Variants in SLK observed in about 807,000 individuals in gnomAD.
SLK encodes the protein STE20 like kinase.
A neutral mutation model predicts 147.7 loss-of-function variants in SLK; 67 were observed. The observed-to-expected ratio is 0.45, with a 90% CI of 0.37 to 0.56. SLK has a LOEUF of 0.56. Ranked by LOEUF, SLK falls within the 20% of genes least tolerant of loss-of-function variation. The pLI, the probability that SLK is intolerant of heterozygous loss-of-function variation, is 0.00. For missense variants in SLK, 1,136 were observed against 1,438.8 expected (o/e 0.79, Z 3.41); for synonymous variants, 441 against 475.0 (o/e 0.93, Z 0.93).
At chr10:103,978,312 A>T (rs1050469387) in intron 1 of SLK, among the ~76,000 whole-genome samples, 1 of 152,132 alleles carries the variant, frequency 6.6e-6, no homozygotes, top group Non-Finnish European at 1.5e-5. Context: ...GTAAATCTGT[A>T]TTTAAATTCA....
intron 1 of SLK, among the ~76,000 whole-genome samples, chr10:103,977,038 T>C (rs1441731872): frequency 6.6e-6 from 1 of 152,214 alleles, no homozygotes; most frequent in Non-Finnish European, 1.5e-5. Context: ...AAATGTCTCC[T>C]GGATGGCAAA....
intron 18 of SLK, 31 bp downstream of exon 18, chr10:104,021,764 T>C (rs200378854): frequency 3.7e-4 from 440 of 1,199,700 alleles, no homozygotes; most frequent in Middle Eastern, 1.3e-3. Context: ...TAAAATGATA[T>C]GTGTGTACTC....
Position 103,992,141 on chromosome 10 carries a change from G to GTTTTTTTTTTTTTTTTTTTTTTTTTTT in SLK, c.316-439_316-438insTTTTTTTTTTTTTTTTTTTTTTTTTTT, listed in dbSNP as rs56381345. Among the ~76,000 whole-genome samples the GTTTTTTTTTTTTTTTTTTTTTTTTTTT allele has an allele frequency of 7.6e-5, 7 of 91,792 alleles. 1 individual carries two copies. Among genetic ancestry groups the GTTTTTTTTTTTTTTTTTTTTTTTTTTT allele is most frequent in the Non-Finnish European group, 1.3e-4 (6 of 47,900 alleles). 60.2% of individuals were successfully genotyped at this position (91,792 alleles called of 152,430 possible). A position where few individuals can be genotyped will look rare whatever the true frequency, so the allele number is the denominator to read the frequency against. ...TGAAGCTTTTGTGGGTATTTCTTCT[G>GTTTTTTTTTTTTTTTTTTTTTTTTTTT]TTTTTTTTTTTTTTTTTTCTAAAAG... On this transcript the variant is annotated intron_variant, in intron 2 of 18. Transcript: ENST00000369755.
In SLK at chr10:104,026,166, C is replaced by T. The variant is rs988333765; in HGVS notation, c.*446C>T. 1 of 153,090 alleles carries T rather than the reference C, an allele frequency of 6.5e-6. No homozygotes were observed. Among genetic ancestry groups the T allele is most frequent in the Admixed American group, 6.5e-5 (1 of 15,296 alleles). 9.5% of individuals were successfully genotyped at this position (153,090 alleles called of 1,614,324 possible). ...AATTTTCTTTTGGTGGATCAGCTCT[C>T]ATAAAAAAGCTATGATTTGCTCAAA... On this transcript the variant is annotated 3_prime_UTR_variant, in exon 19 of 19. Transcript: ENST00000369755.
In SLK at chr10:103,999,111, C is replaced by A; in HGVS notation, c.588-8C>A. The A allele has an allele frequency of 6.3e-7, 1 of 1,599,540 alleles. No homozygotes were observed. The highest frequency in any genetic ancestry group is 8.5e-7 in the Non-Finnish European group (1 of 1,172,498). ...AACATGTTAACTTTTAATTATCTGT[C>A]TTCATAGGATGGCTCCTGAAGTAGT... On this transcript the variant is annotated splice_polypyrimidine_tract_variant and splice_region_variant and intron_variant, in intron 5 of 18. Transcript: ENST00000369755.
At chr10:104,011,805 C>T (rs1429989064) in intron 13 of SLK, among the ~76,000 whole-genome samples, 2 of 152,164 alleles carry the variant, frequency 1.3e-5, no homozygotes, top group East Asian at 1.9e-4. Context: ...CGTGATCTGC[C>T]CGCCTCAGCC....
At chr10:104,021,526 T>C in intron 17 of SLK, 94 bp from the exon 18 acceptor site, 1 of 676,886 alleles carries the variant, frequency 1.5e-6, no homozygotes, top group Non-Finnish European at 2.6e-6. Context: ...AGCATGATAT[T>C]TGATGAGTAA....
Position 103,999,225 on chromosome 10 carries a change from G to C in SLK, c.694G>C (p.Glu232Gln). Residue 232 changes from glutamate to glutamine, a missense_variant, in exon 6 of 19, where the codon GAA (glutamate) becomes CAA (glutamine). Physicochemically the swap from Glu to Gln is conservative, Grantham distance 29. Transcript: ENST00000369755. Reference protein sequence around the residue: ...GITLIEMAEIEPPHHELNPMR... With the variant: ...GITLIEMAEIQPPHHELNPMR... ...CACTTTAATAGAAATGGCTGAGATA[G>C]AACCACCTCATCATGAATTAAATCC... The C allele has an allele frequency of 1.2e-6, 2 of 1,613,804 alleles. No homozygotes were observed. The highest frequency in any genetic ancestry group is 1.7e-6 in the Non-Finnish European group (2 of 1,179,834).
chr10:103,974,655 C>CTTTT (rs568337016), intron 1 of SLK: 1 of 30,178 alleles, frequency 3.3e-5, no homozygotes, highest in Non-Finnish European at 7.7e-5. Flanking sequence ...ATCTTTTGGC[C>CTTTT]TTTTTTTTTT....
chr10:104,021,451 G>C (rs952020805), intron 17 of SLK, among the ~76,000 whole-genome samples, 169 bp from the exon 18 acceptor site: 3 of 152,332 alleles, frequency 2.0e-5, no homozygotes, highest in Non-Finnish European at 4.4e-5. Flanking sequence ...TAAAAATGAA[G>C]CTATGATTCA....
At chr10:104,011,373 CAT>C (rs1169300790) in intron 13 of SLK, among the ~76,000 whole-genome samples, 1 of 152,156 alleles carries the variant, frequency 6.6e-6, no homozygotes, top group Non-Finnish European at 1.5e-5. Context: ...GTAGTTCAAA[CAT>C]GTATTGCTTT....
chr10:103,981,119 A>G (rs936520744), intron 1 of SLK, among the ~76,000 whole-genome samples: 19 of 152,108 alleles, frequency 1.2e-4, no homozygotes, highest in African/African-American at 4.3e-4. Flanking sequence ...GGCCATTTGT[A>G]TATCTTCCTG....
intron 13 of SLK, among the ~76,000 whole-genome samples, chr10:104,015,940 C>G (rs1372506854): frequency 6.6e-6 from 1 of 151,846 alleles, no homozygotes; most frequent in Non-Finnish European, 1.5e-5. Flanking sequence ...TGTATGTAAA[C>G]CAATGATAAA....
chr10:104,000,344 T>A (rs552069768), intron 7 of SLK, among the ~76,000 whole-genome samples: 2 of 152,322 alleles, frequency 1.3e-5, no homozygotes, highest in South Asian at 4.1e-4. Flanking sequence ...TTTTGCTTTA[T>A]AGAAGGACTA....
intron 1 of SLK, among the ~76,000 whole-genome samples, chr10:103,986,534 C>G (rs1380258183): frequency 1.3e-5 from 2 of 152,158 alleles, no homozygotes; most frequent in Non-Finnish European, 2.9e-5. Context: ...ACAGATGAAG[C>G]TTTGCTTACT....
chr10:103,989,896 A>G (rs1461661351), intron 1 of SLK, among the ~76,000 whole-genome samples: 1 of 152,260 alleles, frequency 6.6e-6, no homozygotes, highest in Non-Finnish European at 1.5e-5. Context: ...ACATGTTTAT[A>G]GAAGCTTTAT....
chr10:103,988,664 C>T (rs1844050607), intron 1 of SLK, among the ~76,000 whole-genome samples: 2 of 152,206 alleles, frequency 1.3e-5, no homozygotes, highest in South Asian at 2.1e-4. Flanking sequence ...CATTTATATC[C>T]TCCTTTAAAG....
intron 1 of SLK, among the ~76,000 whole-genome samples, chr10:103,971,616 A>G (rs75317931): frequency 1.2e-3 from 180 of 152,374 alleles, no homozygotes; most frequent in African/African-American, 4.1e-3. Flanking sequence ...AAAGAATGAC[A>G]TAAGATTATG....
At chr10:103,976,955 T>G (rs1263668241) in intron 1 of SLK, among the ~76,000 whole-genome samples, 1 of 152,212 alleles carries the variant, frequency 6.6e-6, no homozygotes, top group African/African-American at 2.4e-5. Context: ...TGTGGAGGGC[T>G]GTCCTATGCA....
Sources: allele counts gnomAD v4.1 joint callset (sites outside exome capture counted in the v4.1 genomes callset), GRCh38; gene constraint gnomAD v4.1.1; transcripts MANE v1.5; gene names NCBI Gene and HGNC (gene_info 2026-07-23, HGNC 2026-07-21).